The following TMEM232 variants were observed in gnomAD, a reference collection of about 807,000 sequenced individuals.
The protein encoded by TMEM232 is transmembrane protein 232.
In TMEM232, 80 loss-of-function variants were observed where a neutral mutation model predicts 78.8. That is an observed-to-expected ratio of 1.01 (90% CI 0.85 to 1.22). TMEM232 has a LOEUF of 1.22. TMEM232 is among the 50% of genes most tolerant of loss of function. TMEM232 has a pLI of 0.00. For missense variants in TMEM232, 881 were observed against 742.2 expected (o/e 1.19, Z -2.17); for synonymous variants, 297 against 254.3 (o/e 1.17, Z -1.60).
chr5:110,399,436 T>A (rs1755510569), intron 2 of TMEM232, among the ~76,000 whole-genome samples: 1 of 152,172 alleles, frequency 6.6e-6, no homozygotes, highest in African/African-American at 2.4e-5. Context: ...AGAGAAAATA[T>A]GCTTAATCCC....
chr5:110,441,546 G>T (rs1207228110), intron 12 of TMEM232, among the ~76,000 whole-genome samples: 2 of 152,078 alleles, frequency 1.3e-5, no homozygotes, highest in African/African-American at 4.8e-5. Context: ...CCTGAGTATG[G>T]GCTGGCCTAA....
chr5:110,414,192 TCTTCA>T (rs1756102238), intron 2 of TMEM232, among the ~76,000 whole-genome samples: 1 of 152,232 alleles, frequency 6.6e-6, no homozygotes, highest in South Asian at 2.1e-4. Context: ...TTATTTTTGT[TCTTCA>T]CTTGTCTCTA....
chr5:110,553,741 C>T (rs879625625), intron 11 of TMEM232, among the ~76,000 whole-genome samples: 3 of 152,108 alleles, frequency 2.0e-5, no homozygotes, highest in South Asian at 2.1e-4. Flanking sequence ...CTGGTTAGGA[C>T]TTCCAGTATG....
At chr5:110,512,080 C>A (rs1002727671) in intron 12 of TMEM232, among the ~76,000 whole-genome samples, 2 of 152,100 alleles carry the variant, frequency 1.3e-5, no homozygotes, top group African/African-American at 4.8e-5. Context: ...TGTAGTTCTC[C>A]TCCATCATAC....
chr5:110,639,784 G>T (rs934227371), intron 4 of TMEM232, among the ~76,000 whole-genome samples: 1 of 152,204 alleles, frequency 6.6e-6, no homozygotes, highest in African/African-American at 2.4e-5. Flanking sequence ...GACTGGTTTT[G>T]TCTCACAAGG....
At chr5:110,537,460 T>A (rs762767387) in intron 11 of TMEM232, among the ~76,000 whole-genome samples, 2 of 152,144 alleles carry the variant, frequency 1.3e-5, no homozygotes, top group Non-Finnish European at 2.9e-5. Flanking sequence ...CATGGCCCTA[T>A]ACCAAAACCT....
chr5:110,493,941 C>T (rs560805945), intron 12 of TMEM232, among the ~76,000 whole-genome samples: 15 of 152,148 alleles, frequency 9.9e-5, no homozygotes, highest in Admixed American at 8.5e-4. Context: ...AGCCCCCCAC[C>T]CACAACAGGC....
At chr5:110,499,603 G>A (rs1765999401) in intron 12 of TMEM232, among the ~76,000 whole-genome samples, 1 of 146,978 alleles carries the variant, frequency 6.8e-6, no homozygotes, top group African/African-American at 2.7e-5. Context: ...GAAAGGAAAA[G>A]AGAGGGGAAA....
At chr5:110,619,004 C>T (rs1335904944) in intron 7 of TMEM232, among the ~76,000 whole-genome samples, 1 of 152,172 alleles carries the variant, frequency 6.6e-6, no homozygotes, top group Admixed American at 6.5e-5. Context: ...AGCAAGACAT[C>T]GTCAATGTCT....
chr5:110,601,517 A>AGAGC (rs1780894484), intron 10 of TMEM232, among the ~76,000 whole-genome samples: 1 of 150,060 alleles, frequency 6.7e-6, no homozygotes, highest in East Asian at 2.0e-4. Context: ...GATAGACAGC[A>AGAGC]CAAATCATGA....
At chr5:110,538,170 T>C (rs1772633006) in intron 11 of TMEM232, among the ~76,000 whole-genome samples, 1 of 152,198 alleles carries the variant, frequency 6.6e-6, no homozygotes, top group East Asian at 1.9e-4. Flanking sequence ...AATCCAGCCA[T>C]GGACTTATGG....
At chr5:110,499,196 T>C (rs1394258156) in intron 12 of TMEM232, among the ~76,000 whole-genome samples, 1 of 151,530 alleles carries the variant, frequency 6.6e-6, no homozygotes, top group East Asian at 1.9e-4. Context: ...AGCAGAAAAA[T>C]TTATATAAGC....
At chr5:110,648,196 T>C (rs1228737842) in intron 2 of TMEM232, among the ~76,000 whole-genome samples, 2 of 151,924 alleles carry the variant, frequency 1.3e-5, no homozygotes, top group African/African-American at 4.8e-5. Flanking sequence ...AAAACCAAAA[T>C]TAGATGCTAC....
chr5:110,520,690 C>T (rs913083581), intron 12 of TMEM232, among the ~76,000 whole-genome samples: 2 of 152,052 alleles, frequency 1.3e-5, no homozygotes, highest in African/African-American at 2.4e-5. Flanking sequence ...GAGGCCGAGG[C>T]GGGTGGATCA....
chr5:110,683,264 G>A (rs1580650027), intron 1 of TMEM232, among the ~76,000 whole-genome samples: 1 of 151,996 alleles, frequency 6.6e-6, no homozygotes, highest in Non-Finnish European at 1.5e-5. Flanking sequence ...AAAAATAAAT[G>A]GGGATTTATT....
chr5:110,488,417 T>TA (rs1409783905), intron 12 of TMEM232, among the ~76,000 whole-genome samples: 1 of 151,602 alleles, frequency 6.6e-6, no homozygotes, highest in African/African-American at 2.4e-5. Context: ...TAGAAATAAA[T>TA]AAAAAAAGGA....
intron 4 of TMEM232, chr5:110,388,119 G>A (rs76779566): frequency 0.015 from 2,345 of 152,272 alleles, 27 homozygotes; most frequent in Non-Finnish European, 0.024. Flanking sequence ...TCTGAAAAGG[G>A]AAATGTGGCA....
intron 1 of TMEM232, among the ~76,000 whole-genome samples, chr5:110,722,888 T>G (rs564796287): frequency 3.3e-4 from 50 of 152,298 alleles, no homozygotes; most frequent in African/African-American, 1.2e-3. Context: ...ATTCTTTGTA[T>G]TTACTGTTGA....
intron 12 of TMEM232, among the ~76,000 whole-genome samples, chr5:110,525,005 T>A (rs1770362853): frequency 1.3e-5 from 2 of 152,070 alleles, no homozygotes; most frequent in Admixed American, 6.5e-5. Context: ...ATTTTCCATA[T>A]CTTCAATTTT....
Sources: gnomAD v4.1 joint callset for allele counts (sites outside exome capture counted in the v4.1 genomes callset) on GRCh38, gnomAD v4.1.1 for gene constraint, MANE v1.5 for transcripts, NCBI Gene and HGNC (gene_info 2026-07-23, HGNC 2026-07-21) for gene names.